Variants in FLNB observed in about 807,000 individuals in gnomAD.
FLNB encodes the protein filamin B, also known as filamin-B.
Under a neutral mutation model 250.6 loss-of-function variants are expected in FLNB, and 111 were observed. That is an observed-to-expected ratio of 0.44 (90% CI 0.38 to 0.52). FLNB has a LOEUF of 0.52. FLNB is among the 20% of genes least tolerant of loss of function. The pLI, the probability that FLNB is intolerant of heterozygous loss-of-function variation, is 0.00. For missense variants in FLNB, 2,869 were observed against 3,447.8 expected, an observed-to-expected ratio of 0.83 and a Z score of 4.20; for synonymous variants, 1,302 against 1,372.1, an observed-to-expected ratio of 0.95 and a Z score of 1.13.
chr3:58,076,655 T>C (rs4681783), intron 1 of FLNB, among the ~76,000 whole-genome samples: 83,569 of 150,496 alleles, frequency 0.56, 25,358 homozygotes, highest in African/African-American at 0.82. Flanking sequence ...GAGGGAGTTT[T>C]GCCATGTTGC....
chr3:58,106,151 A>G (rs2097259144), intron 11 of FLNB, among the ~76,000 whole-genome samples: 1 of 152,014 alleles, frequency 6.6e-6, no homozygotes. Context: ...AGTTATTTCC[A>G]GGGTTTTGCT....
chr3:58,044,772 C>T (rs913116533), intron 1 of FLNB, among the ~76,000 whole-genome samples: 2 of 152,220 alleles, frequency 1.3e-5, no homozygotes, highest in African/African-American at 2.4e-5. Flanking sequence ...TTGGGACCCC[C>T]CTGAACTTGC....
chr3:58,081,590 A>G, intron 3 of FLNB, 39 bp from the exon 4 acceptor site: 1 of 1,606,848 alleles, frequency 6.2e-7, no homozygotes, highest in South Asian at 1.1e-5. Context: ...TTGCAAAGTG[A>G]TGTGTTCTGG....
chr3:58,031,278 T>C (rs2097130487), intron 1 of FLNB, among the ~76,000 whole-genome samples: 1 of 152,206 alleles, frequency 6.6e-6, no homozygotes, highest in South Asian at 2.1e-4. Context: ...AGTCTCACTC[T>C]GTCGCCCAGG....
chr3:58,070,089 C>T (rs2097191906), intron 1 of FLNB, among the ~76,000 whole-genome samples: 1 of 147,970 alleles, frequency 6.8e-6, no homozygotes, highest in Non-Finnish European at 1.5e-5. Flanking sequence ...CTTTCTGTCA[C>T]CCAGGCTGGA....
chr3:58,083,324 T>C (rs1455467123), intron 4 of FLNB, among the ~76,000 whole-genome samples: 1 of 151,304 alleles, frequency 6.6e-6, no homozygotes, highest in African/African-American at 2.4e-5. Context: ...CCTACAAATG[T>C]TCCCTTTGAA....
intron 1 of FLNB, among the ~76,000 whole-genome samples, chr3:58,060,804 GAAAGA>G (rs141110986): frequency 0.25 from 29,601 of 117,884 alleles, 4,669 homozygotes; most frequent in East Asian, 0.56. Context: ...AAAAAAGAAA[GAAAGA>G]AAAGAAAAGA....
At position 58,124,410 on chromosome 3, in the gene FLNB, C is replaced by T. The variant is rs976223666; in HGVS notation, c.3803C>T (p.Ala1268Val). 1 of 1,614,238 alleles carries T rather than the reference C, an allele frequency of 6.2e-7. No individual in the cohort carries two copies. The highest frequency in any genetic ancestry group is 2.2e-5 in the East Asian group (1 of 44,892). ...LTQVGGDHIK[A>V]HIANPSGAST... ...CAGGTTGGGGGTGACCACATCAAGG[C>T]CCACATTGCCAACCCCTCAGGGGCC... Residue 1268 changes from alanine (A) to valine (V), a missense_variant, in exon 22 of 46, where the codon GCC becomes GTC. Around this residue, in one of 5 missense-constraint regions of FLNB, gnomAD observed 1,348 missense variants for 1,466.7 expected, o/e 0.92. Transcript: ENST00000295956.
chr3:58,096,316 A>G (rs1377125624), intron 6 of FLNB, 98 bp downstream of exon 6: 2 of 896,002 alleles, frequency 2.2e-6, no homozygotes, highest in African/African-American at 1.7e-5. Flanking sequence ...TGAATTTCTG[A>G]TTTTCCTTTC....
chr3:58,114,583 C>CT (rs1293221972), intron 18 of FLNB, among the ~76,000 whole-genome samples: 1 of 152,102 alleles, frequency 6.6e-6, no homozygotes. Context: ...ATGGAAATCT[C>CT]TTTTTAATTT....
intron 1 of FLNB, among the ~76,000 whole-genome samples, chr3:58,053,188 T>TA (rs1416657206): frequency 6.6e-6 from 1 of 152,210 alleles, no homozygotes; most frequent in Non-Finnish European, 1.5e-5. Flanking sequence ...GTCTAGCCCT[T>TA]AAAAAATGTG....
chr3:58,152,771 G>T, intron 38 of FLNB: 1 of 1,336,016 alleles, frequency 7.5e-7, no homozygotes, highest in Non-Finnish European at 9.9e-7. Flanking sequence ...TTTCATACTG[G>T]CTCTAGGTGA....
At chr3:58,081,541 A>T in intron 3 of FLNB, 88 bp from the exon 4 acceptor site, 1 of 1,174,868 alleles carries the variant, frequency 8.5e-7, no homozygotes, top group Non-Finnish European at 1.3e-6. Flanking sequence ...TAATATTTGT[A>T]GTGCTTGGTT....
chr3:58,048,014 G>A (rs916505733), intron 1 of FLNB, among the ~76,000 whole-genome samples: 1 of 152,124 alleles, frequency 6.6e-6, no homozygotes, highest in Admixed American at 6.5e-5. Context: ...TAACCACAGC[G>A]TCACTGCATA....
At chr3:58,143,657 G>A in intron 32 of FLNB, 44 bp downstream of exon 32, 1 of 1,610,932 alleles carries the variant, frequency 6.2e-7, no homozygotes, top group Non-Finnish European at 8.5e-7. Flanking sequence ...CCATTCAGGG[G>A]CATCCGGGCA....
At chr3:58,136,214 A>G (rs1282385164) in intron 28 of FLNB, 46 bp downstream of exon 28, 1 of 1,594,520 alleles carries the variant, frequency 6.3e-7, no homozygotes, top group African/African-American at 1.3e-5. Flanking sequence ...CTTTGCAATC[A>G]GAAAGCCGGG....
chr3:58,081,614 A>T lies in FLNB; in HGVS notation c.640-15A>T. 6.2e-7 allele frequency: 1 copy of T among 1,613,722 alleles called. No homozygotes were observed. Among genetic ancestry groups the T allele is most frequent in the Non-Finnish European group, 8.5e-7 (1 of 1,179,820 alleles). ...GATGTGTTCTGGGTGTTCATCCACC[A>T]TGTCATTATCCTAGGTCATCACTCC... On this transcript the variant is annotated splice_polypyrimidine_tract_variant and intron_variant, in intron 3 of 45. Coordinates refer to ENST00000295956, the MANE Select transcript of FLNB (RefSeq NM_001457.4).
At position 58,109,710 on chromosome 3, in the gene FLNB, G is replaced by T. The variant is rs376940497; in HGVS notation, c.2323+11G>T. ...CTGAGGCTGGGGAAGGTGAGAAAGG[G>T]CTTTGTTCAACCCAGTGATCATTGC... On this transcript the variant is annotated intron_variant, in intron 15 of 45. Transcript: ENST00000295956. 6.2e-7 allele frequency: 1 copy of T among 1,613,958 alleles called. No individual in the cohort carries two copies. The highest frequency in any genetic ancestry group is 8.5e-7 in the Non-Finnish European group (1 of 1,180,032).
intron 36 of FLNB, 107 bp downstream of exon 36, chr3:58,148,959 CCTTCAAGCTATAGGTCCTTCTGCCTG>C: frequency 9.9e-7 from 1 of 1,010,966 alleles, no homozygotes. Flanking sequence ...TTCTGAGCAT[CCTTCAAGCTATAGGTCCTTCTGCCTG>C]CATTGTCTTT....
Sources: allele counts gnomAD v4.1 joint callset (sites outside exome capture counted in the v4.1 genomes callset), GRCh38; gene constraint gnomAD v4.1.1; regional missense constraint gnomAD v4.1.1; transcripts MANE v1.5; gene names NCBI Gene and HGNC (gene_info 2026-07-23, HGNC 2026-07-21).